ABL2: variants seen among roughly 807,000 people sequenced by gnomAD.
ABL2 encodes ABL proto-oncogene 2, non-receptor tyrosine kinase.
ABL2 carries 49 observed loss-of-function variants against 107.7 expected under a neutral mutation model. The observed-to-expected ratio is 0.45, with a 90% CI of 0.36 to 0.58. ABL2 has a LOEUF of 0.58. Among genes scored for constraint, ABL2 ranks in the 20% least tolerant of loss-of-function variants. The pLI, the probability that ABL2 is intolerant of heterozygous loss-of-function variation, is 0.00. For missense variants in ABL2, 1,245 were observed against 1,457.0 expected (o/e 0.85, Z 2.37); for synonymous variants, 549 against 548.6 (o/e 1.00, Z -0.01).
intron 1 of ABL2, among the ~76,000 whole-genome samples, chr1:179,163,907 T>A (rs1441078698): frequency 6.6e-6 from 1 of 152,132 alleles, no homozygotes; most frequent in Non-Finnish European, 1.5e-5. Flanking sequence ...GTTGGATGAA[T>A]CTCAAAGGCA....
At chr1:179,212,825 T>C (rs1445802800) in intron 1 of ABL2, among the ~76,000 whole-genome samples, 1 of 151,182 alleles carries the variant, frequency 6.6e-6, no homozygotes, top group East Asian at 1.9e-4. Context: ...GGCAAGAGGA[T>C]CACCTGAGAT....
At chr1:179,151,493 T>C (rs1027246102) in intron 1 of ABL2, among the ~76,000 whole-genome samples, 2 of 152,196 alleles carry the variant, frequency 1.3e-5, no homozygotes, top group Non-Finnish European at 2.9e-5. Context: ...TTTTATGTCT[T>C]TTTTTCTCAA....
intron 1 of ABL2, 34 bp from the exon 2 acceptor site, chr1:179,133,408 C>T (rs1656535538): frequency 6.2e-7 from 1 of 1,613,854 alleles, no homozygotes; most frequent in Non-Finnish European, 8.5e-7. Flanking sequence ...CGTCACTTTT[C>T]TTAAGCTTCT....
Position 179,106,614 on chromosome 1 carries a change from A to C in ABL2, c.*1104T>G, listed in dbSNP as rs999038466. On this transcript the variant is annotated 3_prime_UTR_variant, in exon 12 of 12. Coordinates refer to ENST00000502732, the MANE Select transcript of ABL2 (RefSeq NM_007314.4). ...CTACCTGGATTGGGCTTAAGGTGGT[A>C]AGGGAAGGGAAAGGTACAGAGAAAC... 8.6e-6 allele frequency: 2 copies of C among 232,562 alleles called. No individual in the cohort carries two copies. Among genetic ancestry groups the C allele is most frequent in the Non-Finnish European group, 1.7e-5 (2 of 117,650 alleles). The allele number at this position is 232,562 out of a possible 1,614,324, so 14.4% of individuals were successfully genotyped here.
chr1:179,163,129 T>G (rs947443906), intron 1 of ABL2, among the ~76,000 whole-genome samples: 1 of 152,090 alleles, frequency 6.6e-6, no homozygotes, highest in South Asian at 2.1e-4. Flanking sequence ...AATAAGCACA[T>G]GAAAAGATGT....
At chr1:179,174,083 A>T (rs902814609) in intron 1 of ABL2, among the ~76,000 whole-genome samples, 1 of 151,998 alleles carries the variant, frequency 6.6e-6, no homozygotes, top group Non-Finnish European at 1.5e-5. Context: ...AGGTCAGGAG[A>T]TCAAGACCAT....
chr1:179,172,956 G>A (rs983772642), intron 1 of ABL2, among the ~76,000 whole-genome samples: 1 of 152,160 alleles, frequency 6.6e-6, no homozygotes, highest in Non-Finnish European at 1.5e-5. Context: ...TTGAGAGGCT[G>A]AGGCGGATGG....
intron 1 of ABL2, among the ~76,000 whole-genome samples, chr1:179,210,087 A>G (rs1413414249): frequency 1.3e-5 from 2 of 151,606 alleles, no homozygotes; most frequent in East Asian, 3.9e-4. Context: ...GTGGTCTCAA[A>G]CTCCTGCCTC....
intron 6 of ABL2, among the ~76,000 whole-genome samples, chr1:179,119,779 C>G (rs1343733930): frequency 2.6e-5 from 4 of 152,088 alleles, no homozygotes; most frequent in Admixed American, 6.5e-5. Context: ...GTTTTTGGTT[C>G]AGTACCATTT....
chr1:179,198,017 T>C (rs2102836490), intron 1 of ABL2, among the ~76,000 whole-genome samples: 1 of 151,118 alleles, frequency 6.6e-6, no homozygotes, highest in Non-Finnish European at 1.5e-5. Flanking sequence ...CTACTAAAAA[T>C]ATAAAAATTA....
rs535817330 is a variant in ABL2, at chr1:179,141,359, C to T, written c.158-7985G>A. On this transcript the variant is annotated intron_variant, in intron 1 of 11. Coordinates refer to ENST00000502732, the MANE Select transcript of ABL2 (RefSeq NM_007314.4). ...ACAGTAGAGTGACAGACTGTCAATA[C>T]GCAAGGACATGTTTATAATAAGGGG... Among the ~76,000 whole-genome samples the T allele has an allele frequency of 2.6e-5, 4 of 151,812 alleles. No individual in the cohort carries two copies. In the East Asian group the frequency reaches 5.8e-4, roughly 22 times the overall value.
intron 1 of ABL2, among the ~76,000 whole-genome samples, chr1:179,187,211 C>A (rs1429391787): frequency 1.3e-5 from 2 of 152,150 alleles, no homozygotes; most frequent in Non-Finnish European, 2.9e-5. Context: ...TTCCCACATT[C>A]CACTCCTTTC....
intron 2 of ABL2, among the ~76,000 whole-genome samples, chr1:179,132,230 C>T (rs746948271): frequency 6.6e-6 from 1 of 152,170 alleles, no homozygotes; most frequent in Non-Finnish European, 1.5e-5. Flanking sequence ...TTACTATCAT[C>T]GGGCATTTAT....
chr1:179,126,233 A>G lies in ABL2; in HGVS notation c.687+144T>C. The G allele has an allele frequency of 1.1e-6, 1 of 911,514 alleles. No individual in the cohort carries two copies. The highest frequency in any genetic ancestry group is 2.7e-5 in the East Asian group (1 of 37,598). 56.5% of individuals were successfully genotyped at this position (911,514 alleles called of 1,614,324 possible). ...CCTTTTCAAGAGTACAAGCTCTAACATGCCAAAAAGCCCAAACTCACAAAG... is the reference window on the plus strand; with the variant it reads ...CCTTTTCAAGAGTACAAGCTCTAACGTGCCAAAAAGCCCAAACTCACAAAG... On this transcript the variant is annotated intron_variant, in intron 4 of 11. Coordinates refer to ENST00000502732, the MANE Select transcript of ABL2 (RefSeq NM_007314.4). This position sits in a 1 kb window ranked among gnomAD's most constrained non-coding sequence, Gnocchi z 4.4.
At chr1:179,133,058 C>T (rs554756153) in intron 2 of ABL2, among the ~76,000 whole-genome samples, 1 of 151,988 alleles carries the variant, frequency 6.6e-6, no homozygotes, top group African/African-American at 2.4e-5. Context: ...GAAGTTTCAC[C>T]ATGTTGGCCA....
At chr1:179,131,631 G>A in intron 2 of ABL2, 150 bp from the exon 3 acceptor site, 1 of 685,960 alleles carries the variant, frequency 1.5e-6, no homozygotes, top group Non-Finnish European at 2.3e-6. Flanking sequence ...TAGCAAATAG[G>A]CACTGTGTCT....
intron 1 of ABL2, among the ~76,000 whole-genome samples, chr1:179,192,627 C>T (rs1661084863): frequency 6.6e-6 from 1 of 152,110 alleles, no homozygotes; most frequent in Non-Finnish European, 1.5e-5. Flanking sequence ...TTAAATCTGA[C>T]AATTGACTTA....
intron 10 of ABL2, chr1:179,110,861 GT>G: frequency 6.2e-7 from 1 of 1,613,798 alleles, no homozygotes; most frequent in East Asian, 2.2e-5. Context: ...GGATCACAGG[GT>G]ATACGTGTAT....
intron 3 of ABL2, among the ~76,000 whole-genome samples, chr1:179,127,617 C>T (rs1207524122): frequency 1.3e-5 from 2 of 152,166 alleles, no homozygotes; most frequent in Non-Finnish European, 2.9e-5. Flanking sequence ...TAAATAAATG[C>T]TAATCTAAAG....
Sources: allele counts gnomAD v4.1 joint callset (sites outside exome capture counted in the v4.1 genomes callset), GRCh38; gene constraint gnomAD v4.1.1; non-coding constraint Gnocchi (gnomAD v3.1); transcripts MANE v1.5; gene names NCBI Gene and HGNC (gene_info 2026-07-23, HGNC 2026-07-21).